FBN1: variants seen among roughly 807,000 people sequenced by gnomAD.
FBN1 encodes the protein fibrillin 1.
Under a neutral mutation model 365.1 loss-of-function variants are expected in FBN1, and 29 were observed. The ratio of observed to expected loss-of-function variants is 0.08; its 90% CI spans 0.06 to 0.11. The LOEUF is 0.11. Ranked by LOEUF, FBN1 falls within the 10% of genes least tolerant of loss-of-function variation. The pLI is 1.00. For missense variants in FBN1, 2,476 were observed against 3,703.2 expected, an observed-to-expected ratio of 0.67 and a Z score of 8.60; for synonymous variants, 1,210 against 1,270.5, an observed-to-expected ratio of 0.95 and a Z score of 1.01.
At chr15:48,490,735 T>C (rs765975769) in intron 24 of FBN1, among the ~76,000 whole-genome samples, 1 of 152,232 alleles carries the variant, frequency 6.6e-6, no homozygotes, top group African/African-American at 2.4e-5. Flanking sequence ...GCAGAAAGCC[T>C]AGCAGAGCAG....
chr15:48,570,134 T>C (rs1418086375), intron 6 of FBN1, among the ~76,000 whole-genome samples: 1 of 152,218 alleles, frequency 6.6e-6, no homozygotes, highest in Non-Finnish European at 1.5e-5. Context: ...GTTTTGGTTT[T>C]GGTTTCTTAC....
At position 48,504,892 on chromosome 15, in the gene FBN1, C is replaced by T. The variant is rs1016284929; in HGVS notation, c.1960+133G>A. 30 of 1,162,754 alleles carry T rather than the reference C, an allele frequency of 2.6e-5. No individual in the cohort carries two copies. The East Asian group carries it at 5.0e-4, about 19-fold the overall frequency. 72.0% of individuals were successfully genotyped at this position (1,162,754 alleles called of 1,614,324 possible). A position where few individuals can be genotyped will look rare whatever the true frequency, so the allele number is the denominator to read the frequency against. ...CAATTTACACAAAAAGAGAACTGAC[C>T]CTGTTGGTTTGTTGCTCTGCAAATA... is the stretch of plus-strand genomic sequence containing the variant. On this transcript the variant is annotated intron_variant, in intron 16 of 65. Transcript: ENST00000316623.
chr15:48,583,872 C>T (rs752038513), intron 6 of FBN1, among the ~76,000 whole-genome samples: 7 of 152,176 alleles, frequency 4.6e-5, no homozygotes, highest in South Asian at 4.1e-4. Context: ...GAAAAGCACA[C>T]GGTTGATGTG....
At chr15:48,642,324 C>T (rs1890211844) in intron 2 of FBN1, 1 of 151,752 alleles carries the variant, frequency 6.6e-6, no homozygotes, top group African/African-American at 2.4e-5. Flanking sequence ...GGCAGTAAGC[C>T]AAGATTGCAC....
At chr15:48,610,858 G>A in intron 3 of FBN1, 32 bp from the exon 4 acceptor site, 1 of 1,578,426 alleles carries the variant, frequency 6.3e-7, no homozygotes, top group Non-Finnish European at 8.7e-7. Context: ...GTTAGCACAT[G>A]GATTTGGAAC....
chr15:48,563,571 A>G (rs186445825), intron 6 of FBN1, among the ~76,000 whole-genome samples: 1 of 152,212 alleles, frequency 6.6e-6, no homozygotes, highest in Admixed American at 6.5e-5. Flanking sequence ...TATTTTAAAA[A>G]TTTCCAAGCA....
chr15:48,449,985 C>T (rs555415695), intron 45 of FBN1, among the ~76,000 whole-genome samples: 2 of 152,308 alleles, frequency 1.3e-5, no homozygotes, highest in African/African-American at 4.8e-5. Context: ...GATGAATCAT[C>T]ATACCATTTA....
chr15:48,576,492 C>A lies in FBN1; in HGVS notation c.538+19791G>T, dbSNP rs569447565. On this transcript the variant is annotated intron_variant, in intron 6 of 65. Transcript: ENST00000316623. The stretch of plus-strand genomic sequence containing the variant: ...TGGGTTGATCCCAACAGACCATAAG[C>A]TGGAGGGCAGGAACCTTGTTTTATT... 9.2e-5 allele frequency among the ~76,000 whole-genome samples: 14 copies of A among 152,258 alleles called. No individual in the cohort carries two copies. In the East Asian group the frequency reaches 1.4e-3, roughly 15 times the overall value.
intron 15 of FBN1, 38 bp downstream of exon 15, chr15:48,508,544 C>T (rs1597577003): frequency 5.6e-6 from 9 of 1,613,004 alleles, no homozygotes; most frequent in Non-Finnish European, 7.6e-6. Flanking sequence ...GGAGAAAAGG[C>T]ACGTGAAGAA....
At chr15:48,432,734 C>A in intron 55 of FBN1, 132 bp downstream of exon 55, 23 of 1,201,910 alleles carry the variant, frequency 1.9e-5, no homozygotes, top group Non-Finnish European at 2.8e-5. Context: ...GTGGCAGTGA[C>A]AACCCCCGTA....
At chr15:48,591,003 T>G (rs2044472727) in intron 6 of FBN1, among the ~76,000 whole-genome samples, 1 of 152,178 alleles carries the variant, frequency 6.6e-6, no homozygotes, top group African/African-American at 2.4e-5. Flanking sequence ...CATGCTAATA[T>G]TCTGAGGATA....
At chr15:48,473,339 G>A (rs2043393088) in intron 34 of FBN1, among the ~76,000 whole-genome samples, 1 of 152,164 alleles carries the variant, frequency 6.6e-6, no homozygotes, top group South Asian at 2.1e-4. Flanking sequence ...AAAGTGCTCA[G>A]GATAAATCAA....
At chr15:48,435,386 C>T (rs2043057741) in intron 53 of FBN1, among the ~76,000 whole-genome samples, 1 of 151,496 alleles carries the variant, frequency 6.6e-6, no homozygotes, top group South Asian at 2.1e-4. Flanking sequence ...AGAAATACAT[C>T]CACAGTTTGG....
At chr15:48,415,177 G>C (rs1299621320) in intron 64 of FBN1, among the ~76,000 whole-genome samples, 1 of 152,232 alleles carries the variant, frequency 6.6e-6, no homozygotes, top group African/African-American at 2.4e-5. Flanking sequence ...CCCAGGAGAA[G>C]AGTGGATCAG....
At chr15:48,609,821 C>T (rs1296995889) in intron 4 of FBN1, among the ~76,000 whole-genome samples, 2 of 152,198 alleles carry the variant, frequency 1.3e-5, no homozygotes, top group Non-Finnish European at 2.9e-5. Context: ...GGACAATTTG[C>T]CCTAACCTGT....
At chr15:48,476,666 A>G (rs2043421015) in intron 32 of FBN1, 1 of 141,694 alleles carries the variant, frequency 7.1e-6, no homozygotes, top group South Asian at 2.3e-4. Flanking sequence ...GCTGGAGTGC[A>G]ATGGTGCGAT....
chr15:48,494,505 T>C (rs1169840486), intron 22 of FBN1, among the ~76,000 whole-genome samples: 1 of 152,194 alleles, frequency 6.6e-6, no homozygotes, highest in African/African-American at 2.4e-5. Context: ...GCCCTATAGA[T>C]CATGTTAAAG....
intron 10 of FBN1, among the ~76,000 whole-genome samples, chr15:48,517,530 T>C (rs931935203): frequency 6.6e-6 from 1 of 152,224 alleles, no homozygotes; most frequent in Admixed American, 6.5e-5. Flanking sequence ...TTAGGATGAT[T>C]ACTATTTTTC....
At position 48,497,320 on chromosome 15, in the gene FBN1, T is replaced by C. The variant is rs1284612897; in HGVS notation, c.2239A>G (p.Lys747Glu). ...TCATATCCTGAATTGCATATACATT[T>C]ATAGGTCCCACGAAGGTTTTCACAG... The part of the protein sequence containing the change: ...GICENLRGTY[K>E]CICNSGYEVD... The change falls in exon 19 of 66, where the codon AAA (lysine) becomes GAA (glutamate). Residue 747 changes from lysine (K) to glutamate (E), a missense_variant. Lys to Glu is a moderately conservative substitution (Grantham distance 56). Coordinates refer to ENST00000316623, the MANE Select transcript of FBN1 (RefSeq NM_000138.5). 1.2e-6 allele frequency: 2 copies of C among 1,614,062 alleles called. No individual in the cohort carries two copies. Among genetic ancestry groups the C allele is most frequent in the Non-Finnish European group, 1.7e-6 (2 of 1,179,936 alleles).
Sources: gnomAD v4.1 joint callset for allele counts (sites outside exome capture counted in the v4.1 genomes callset) on GRCh38, gnomAD v4.1.1 for gene constraint, MANE v1.5 for transcripts, NCBI Gene and HGNC (gene_info 2026-07-23, HGNC 2026-07-21) for gene names.